The following CDH4 variants were observed in gnomAD, a reference collection of about 807,000 sequenced individuals.
The protein encoded by CDH4 is cadherin-4.
Under a neutral mutation model 86.0 loss-of-function variants are expected in CDH4, and 33 were observed. The observed-to-expected ratio is 0.38, with a 90% CI of 0.29 to 0.51. The LOEUF (loss-of-function observed/expected upper bound fraction) is 0.51. Ranked by LOEUF, CDH4 falls within the 20% of genes least tolerant of loss-of-function variation. The pLI is 0.86. For synonymous variants in CDH4, 555 were observed against 549.4 expected (o/e 1.01, Z -0.14); for missense variants, 1,114 against 1,307.4 (o/e 0.85, Z 2.28).
intron 2 of CDH4, among the ~76,000 whole-genome samples, chr20:61,530,512 G>A (rs756836559): frequency 4.6e-5 from 7 of 152,044 alleles, no homozygotes; most frequent in Admixed American, 4.6e-4. Flanking sequence ...GACCCTGCAC[G>A]GCATGTACTG....
intron 6 of CDH4, among the ~76,000 whole-genome samples, chr20:61,860,045 C>T (rs771377397): frequency 6.6e-6 from 1 of 152,246 alleles, no homozygotes; most frequent in Non-Finnish European, 1.5e-5. Flanking sequence ...ACAGTGCCTG[C>T]CTCATGGGCG....
intron 2 of CDH4, among the ~76,000 whole-genome samples, chr20:61,567,738 C>T (rs59371873): frequency 0.058 from 8,867 of 152,268 alleles, 777 homozygotes; most frequent in African/African-American, 0.18. Context: ...TCCCAACACT[C>T]TGGGAGACTA....
chr20:61,368,194 G>A (rs559879778), intron 2 of CDH4, among the ~76,000 whole-genome samples: 32 of 152,102 alleles, frequency 2.1e-4, no homozygotes, highest in African/African-American at 7.2e-4. Flanking sequence ...TGATTACAAC[G>A]GGAAAAAATA....
intron 2 of CDH4, among the ~76,000 whole-genome samples, chr20:61,734,962 C>T (rs1002489090): frequency 5.9e-5 from 9 of 151,984 alleles, no homozygotes; most frequent in South Asian, 2.1e-4. Context: ...GGGTGGGCCT[C>T]GGGCAGGCGC....
chr20:61,256,300 G>A (rs2123112880), intron 2 of CDH4, among the ~76,000 whole-genome samples: 1 of 152,290 alleles, frequency 6.6e-6, no homozygotes, highest in East Asian at 1.9e-4. Context: ...GCATCCTTAA[G>A]TTCTCTGATT....
In CDH4 at chr20:61,757,306, G is replaced by A. The variant is rs142825815; in HGVS notation, c.396+13517G>A. 3.0e-3 allele frequency among the ~76,000 whole-genome samples: 458 copies of A among 152,248 alleles called. 4 individuals are homozygous for A. The highest frequency in any genetic ancestry group is 4.1e-3 in the East Asian group (21 of 5,168). On this transcript the variant is annotated intron_variant, in intron 3 of 15. Coordinates refer to ENST00000614565, the MANE Select transcript of CDH4 (RefSeq NM_001794.5). ...GCCGTCAGTATTAGGTTTCATGGCC[G>A]TCCAATGCACCCCAAAGGAACGGCA...
chr20:61,409,640 C>A lies in CDH4; in HGVS notation c.169+154703C>A, dbSNP rs535821827. Among the ~76,000 whole-genome samples the A allele has an allele frequency of 2.0e-5, 3 of 152,330 alleles. No individual in the cohort carries two copies. In the East Asian group the frequency reaches 5.8e-4, roughly 29 times the overall value. Reference sequence around the variant, plus strand: ...CGATGCATGTCCTAAGCAGGCAGAGCCGCTGCGTGTGACACAGGTTGGTCG... The same window carrying A: ...CGATGCATGTCCTAAGCAGGCAGAGACGCTGCGTGTGACACAGGTTGGTCG... On this transcript the variant is annotated intron_variant, in intron 2 of 15. Coordinates refer to ENST00000614565, the MANE Select transcript of CDH4 (RefSeq NM_001794.5).
At chr20:61,574,270 C>G (rs1218260083) in intron 2 of CDH4, among the ~76,000 whole-genome samples, 2 of 152,266 alleles carry the variant, frequency 1.3e-5, no homozygotes. Context: ...GGGGCCTGCT[C>G]TCACTGGCCC....
chr20:61,389,305 T>G (rs1197318221), intron 2 of CDH4, among the ~76,000 whole-genome samples: 2 of 152,206 alleles, frequency 1.3e-5, no homozygotes. Flanking sequence ...ATGTTCTTTA[T>G]CTTATCACAT....
At chr20:61,887,511 G>A (rs1028401557) in intron 7 of CDH4, among the ~76,000 whole-genome samples, 7 of 152,020 alleles carry the variant, frequency 4.6e-5, no homozygotes, top group Non-Finnish European at 1.0e-4. Flanking sequence ...GCACAAGCAC[G>A]CATACACACA....
intron 2 of CDH4, among the ~76,000 whole-genome samples, chr20:61,600,534 A>G (rs2086592274): frequency 6.6e-6 from 1 of 152,118 alleles, no homozygotes; most frequent in Non-Finnish European, 1.5e-5. Context: ...CTAATTCAGA[A>G]ATGAATGCCC....
chr20:61,713,287 A>G (rs1475895560), intron 2 of CDH4, among the ~76,000 whole-genome samples: 5 of 152,118 alleles, frequency 3.3e-5, no homozygotes, highest in African/African-American at 1.2e-4. Context: ...TGCAATGCTG[A>G]GCTTCAAGGT....
At chr20:61,440,247 A>G (rs1244756437) in intron 2 of CDH4, among the ~76,000 whole-genome samples, 2 of 152,238 alleles carry the variant, frequency 1.3e-5, no homozygotes, top group African/African-American at 4.8e-5. Context: ...TTAGCCCATG[A>G]GAGTAGAAGA....
chr20:61,260,402 C>T (rs78940804), intron 2 of CDH4, among the ~76,000 whole-genome samples: 1 of 152,202 alleles, frequency 6.6e-6, no homozygotes. Context: ...ACTATCTGAA[C>T]CCCCACCAGA....
intron 2 of CDH4, among the ~76,000 whole-genome samples, chr20:61,629,280 C>T (rs2145785569): frequency 6.6e-6 from 1 of 152,320 alleles, no homozygotes; most frequent in Non-Finnish European, 1.5e-5. Flanking sequence ...AGCCGGAGCC[C>T]TCCAGGAAGC....
chr20:61,724,841 T>A (rs2088091234), intron 2 of CDH4, among the ~76,000 whole-genome samples: 1 of 152,210 alleles, frequency 6.6e-6, no homozygotes, highest in Non-Finnish European at 1.5e-5. Flanking sequence ...CCAGGCATAG[T>A]GGCTCATGCA....
intron 2 of CDH4, among the ~76,000 whole-genome samples, chr20:61,542,272 ACATGTGGC>A: frequency 6.6e-6 from 1 of 152,176 alleles, no homozygotes; most frequent in East Asian, 1.9e-4. Flanking sequence ...GCTGACCTTC[ACATGTGGC>A]CAGGTTTCTA....
At chr20:61,812,210 A>G (rs1980476064) in intron 4 of CDH4, among the ~76,000 whole-genome samples, 2 of 151,370 alleles carry the variant, frequency 1.3e-5, no homozygotes, top group South Asian at 2.1e-4. Flanking sequence ...CAGGGAGGGA[A>G]GTGGTAGGGG....
Position 61,319,388 on chromosome 20 carries a change from G to A in CDH4, c.169+64451G>A, listed in dbSNP as rs146281718. Among the ~76,000 whole-genome samples, 879 of 152,110 alleles carry A rather than the reference G, an allele frequency of 5.8e-3. 8 individuals are homozygous for A. Among genetic ancestry groups the A allele is most frequent in the African/African-American group, 0.019 (801 of 41,486 alleles). On this transcript the variant is annotated intron_variant, in intron 2 of 15. Transcript: ENST00000614565. The stretch of plus-strand genomic sequence containing the variant: ...CTCCACCGGGAAGCAGGGCTAGATC[G>A]CACTGTTAAGAGTGCATCACATGTG...
Sources: allele counts gnomAD v4.1 joint callset (sites outside exome capture counted in the v4.1 genomes callset), GRCh38; gene constraint gnomAD v4.1.1; transcripts MANE v1.5; gene names NCBI Gene and HGNC (gene_info 2026-07-23, HGNC 2026-07-21).